Variants in TEX11 observed in about 807,000 individuals in gnomAD.
The protein encoded by TEX11 is testis expressed 11.
TEX11 carries 7 observed loss-of-function variants against 84.4 expected under a neutral mutation model. The observed-to-expected ratio is 0.08, with a 90% CI of 0.05 to 0.16. The LOEUF (loss-of-function observed/expected upper bound fraction) is 0.16. Ranked by LOEUF, TEX11 falls within the 10% of genes least tolerant of loss-of-function variation. The pLI, the probability that TEX11 is intolerant of heterozygous loss-of-function variation, is 1.00. For synonymous variants in TEX11, 264 were observed against 222.8 expected (o/e 1.18, Z -1.64); for missense variants, 551 against 660.5 (o/e 0.83, Z 1.82).
At chrX:70,564,807 T>G (rs1423249134) in intron 25 of TEX11, among the ~76,000 whole-genome samples, 7 of 110,089 alleles carry the variant, frequency 6.4e-5, no homozygotes, top group African/African-American at 1.3e-4. Context: ...TCTATCATTG[T>G]TGGACATTTG....
chrX:70,730,980 G>T (rs147766381), intron 11 of TEX11, among the ~76,000 whole-genome samples: 3,068 of 111,330 alleles, frequency 0.028, 98 homozygotes, highest in African/African-American at 0.094. Flanking sequence ...AATCAAACTA[G>T]AACTCAGGAT....
intron 25 of TEX11, among the ~76,000 whole-genome samples, chrX:70,584,919 C>T (rs1474885304): frequency 8.9e-6 from 1 of 111,855 alleles, no homozygotes; most frequent in Non-Finnish European, 1.9e-5. Flanking sequence ...TAACATTATA[C>T]TCAAAGGTGG....
chrX:70,651,392 GA>G (rs779006940), intron 17 of TEX11, 57 bp downstream of exon 17: 84 of 806,677 alleles, frequency 1.0e-4, no homozygotes, highest in Non-Finnish European at 1.5e-4. Flanking sequence ...TGTGGTTGAA[GA>G]GGATTATTTA....
At chrX:70,651,612 T>C in intron 16 of TEX11, 60 bp from the exon 17 acceptor site, 1 of 893,944 alleles carries the variant, frequency 1.1e-6, no homozygotes, top group Non-Finnish European at 1.6e-6. Context: ...TTACCATATT[T>C]TACTAATATC....
intron 13 of TEX11, among the ~76,000 whole-genome samples, chrX:70,695,724 A>C (rs2147675123): frequency 8.9e-6 from 1 of 112,100 alleles, no homozygotes; most frequent in South Asian, 3.8e-4. Context: ...AGCTAGAATT[A>C]TCATTATAAA....
intron 13 of TEX11, among the ~76,000 whole-genome samples, chrX:70,714,966 G>T (rs1434030081): frequency 9.0e-6 from 1 of 111,234 alleles, no homozygotes; most frequent in African/African-American, 3.3e-5. Flanking sequence ...CTTCCTTCAG[G>T]AGCTCTTTTA....
At chrX:70,635,723 A>G (rs1456392733) in intron 17 of TEX11, among the ~76,000 whole-genome samples, 1 of 110,468 alleles carries the variant, frequency 9.1e-6, no homozygotes, top group Admixed American at 9.5e-5. Flanking sequence ...CCCAGCCTCT[A>G]GGCTGCTCCT....
rs770843069 is a variant in TEX11 at position 70,853,278 on chromosome X, G to A, written c.375C>T (p.Ile125=). The A allele has an allele frequency of 3.6e-5, 43 of 1,207,725 alleles. No individual in the cohort carries two copies. The highest frequency in any genetic ancestry group is 3.5e-5 in the Non-Finnish European group (31 of 893,354). Residue 125 remains isoleucine (I), a synonymous_variant, in exon 6 of 30, where the codon ATC becomes ATT. Transcript: ENST00000374333. The stretch of plus-strand genomic sequence containing the variant: ...CAGCAGCTTGAAAACATTCATCAGC[G>A]ATTAGAAAATTTCCAGCATCCAACC... ...KEWLDAGNFL[I]ADECFQAAVA...
chrX:70,775,786 C>A (rs1278451528), intron 9 of TEX11, among the ~76,000 whole-genome samples: 1 of 11,591 alleles, frequency 8.6e-5, no homozygotes, highest in Non-Finnish European at 1.8e-4. Context: ...GGTGACAGAG[C>A]GAGACTCCGT....
chrX:70,778,627 GTTTGTTTGTTTGTTTGTTTTTGTTT>G (rs1156911917), intron 9 of TEX11, among the ~76,000 whole-genome samples: 1 of 106,867 alleles, frequency 9.4e-6, no homozygotes, highest in Admixed American at 9.8e-5. Flanking sequence ...GCTATGTTTT[GTTTGTTTGTTTGTTTGTTTTTGTTT>G]TTTGTTTGTT....
At chrX:70,720,788 A>G (rs1431412412) in intron 13 of TEX11, among the ~76,000 whole-genome samples, 2 of 106,700 alleles carry the variant, frequency 1.9e-5, no homozygotes, top group Admixed American at 2.1e-4. Context: ...ATATATATAT[A>G]TGAAAACCAT....
chrX:70,592,242 A>G lies in TEX11; in HGVS notation c.2068-419T>C, dbSNP rs1603114286. On this transcript the variant is annotated intron_variant, in intron 24 of 29. Coordinates refer to ENST00000374333, the MANE Select transcript of TEX11 (RefSeq NM_031276.3). ...AAGAAACATTTATTCCAGGAAATCT[A>G]CTAAGTCTTAGTAAGAACAGTAAGA... 2.7e-5 allele frequency among the ~76,000 whole-genome samples: 3 copies of G among 111,492 alleles called. No individual in the cohort carries two copies. In the South Asian group the frequency reaches 1.1e-3, roughly 43 times the overall value.
chrX:70,808,107 CAAAAAAAAAAAAAAAAAA>C (rs549201546), intron 8 of TEX11, among the ~76,000 whole-genome samples: 3 of 32,614 alleles, frequency 9.2e-5, no homozygotes, highest in African/African-American at 1.8e-4. Flanking sequence ...GACTCTGTCT[CAAAAAAAAAAAAAAAAAA>C]AAAAAAAAAA....
chrX:70,879,593 C>T (rs2091672621), intron 3 of TEX11, among the ~76,000 whole-genome samples: 1 of 110,981 alleles, frequency 9.0e-6, no homozygotes, highest in Non-Finnish European at 1.9e-5. Flanking sequence ...TACTGGGTGG[C>T]TCCACTACTT....
chrX:70,744,792 C>A (rs1173250665), intron 9 of TEX11, among the ~76,000 whole-genome samples: 1 of 110,114 alleles, frequency 9.1e-6, no homozygotes, highest in Admixed American at 9.9e-5. Flanking sequence ...CTCATTGCAA[C>A]CTCCATCTCC....
At chrX:70,826,312 A>C (rs1249282210) in intron 8 of TEX11, among the ~76,000 whole-genome samples, 1 of 100,762 alleles carries the variant, frequency 9.9e-6, no homozygotes, top group Non-Finnish European at 2.0e-5. Flanking sequence ...ACTCCTTGTC[A>C]AAAAAAAAAA....
At chrX:70,550,558 CTAA>C (rs1158913552) in intron 28 of TEX11, among the ~76,000 whole-genome samples, 1 of 111,589 alleles carries the variant, frequency 9.0e-6, no homozygotes, top group Non-Finnish European at 1.9e-5. Context: ...GAAAAAAAAT[CTAA>C]TAATCGAGTT....
intron 25 of TEX11, among the ~76,000 whole-genome samples, chrX:70,557,438 C>A (rs2088302297): frequency 9.3e-6 from 1 of 107,424 alleles, no homozygotes; most frequent in Non-Finnish European, 1.9e-5. Flanking sequence ...CCACTGCACT[C>A]CAGTCTGAGT....
intron 25 of TEX11, among the ~76,000 whole-genome samples, chrX:70,556,348 T>C (rs751476055): frequency 9.0e-6 from 1 of 111,373 alleles, no homozygotes; most frequent in East Asian, 2.8e-4. Context: ...AAATTCCTAA[T>C]TTCCCCTGTC....
Sources: allele counts gnomAD v4.1 joint callset (sites outside exome capture counted in the v4.1 genomes callset), GRCh38; gene constraint gnomAD v4.1.1; transcripts MANE v1.5; gene names NCBI Gene and HGNC (gene_info 2026-07-23, HGNC 2026-07-21).